Variants in MAGI2 observed in about 807,000 individuals in gnomAD.
MAGI2 encodes membrane-associated guanylate kinase, WW and PDZ domain-containing protein 2.
A neutral mutation model predicts 133.3 loss-of-function variants in MAGI2; 35 were observed. The observed-to-expected ratio is 0.26, with a 90% CI of 0.20 to 0.35. The LOEUF is 0.35. Ranked by LOEUF, MAGI2 falls within the 10% of genes least tolerant of loss-of-function variation. The pLI is 1.00. For missense variants in MAGI2, 1,636 were observed against 1,863.4 expected (o/e 0.88, Z 2.25); for synonymous variants, 729 against 710.6 (o/e 1.03, Z -0.41).
At chr7:78,346,512 T>C (rs770309752) in intron 7 of MAGI2, among the ~76,000 whole-genome samples, 73 of 152,172 alleles carry the variant, frequency 4.8e-4, no homozygotes, top group Non-Finnish European at 8.8e-4. Context: ...TTAGAGTTGG[T>C]CCTGGATTGA....
intron 1 of MAGI2, among the ~76,000 whole-genome samples, chr7:79,163,620 A>T (rs1824624515): frequency 6.6e-6 from 1 of 152,080 alleles, no homozygotes; most frequent in African/African-American, 2.4e-5. Context: ...TACAATCCTC[A>T]AATAAGATTT....
At chr7:78,399,654 A>T (rs1336185968) in intron 6 of MAGI2, among the ~76,000 whole-genome samples, 1 of 151,982 alleles carries the variant, frequency 6.6e-6, no homozygotes, top group Non-Finnish European at 1.5e-5. Flanking sequence ...AAAATACAAA[A>T]ATTAGCTAGG....
intron 2 of MAGI2, among the ~76,000 whole-genome samples, chr7:78,768,711 T>G (rs539306936): frequency 6.6e-6 from 1 of 152,374 alleles, no homozygotes; most frequent in Admixed American, 6.5e-5. Flanking sequence ...GCATCTGAAG[T>G]GTTTCCAAAT....
chr7:78,774,862 G>T (rs1825860848), intron 2 of MAGI2, among the ~76,000 whole-genome samples: 2 of 152,038 alleles, frequency 1.3e-5, no homozygotes, highest in Admixed American at 1.3e-4. Flanking sequence ...GAATATGAGG[G>T]TGTGGAAGAG....
At chr7:79,107,654 A>G (rs1257747795) in intron 1 of MAGI2, among the ~76,000 whole-genome samples, 1 of 152,218 alleles carries the variant, frequency 6.6e-6, no homozygotes, top group Non-Finnish European at 1.5e-5. Context: ...TTTATATGGA[A>G]ATTCTTATGC....
intron 2 of MAGI2, among the ~76,000 whole-genome samples, chr7:78,969,894 A>T (rs918525726): frequency 6.7e-6 from 1 of 149,282 alleles, no homozygotes; most frequent in South Asian, 2.1e-4. Flanking sequence ...CAAAGCAAAC[A>T]TTTTTTTGTG....
intron 1 of MAGI2, among the ~76,000 whole-genome samples, chr7:79,121,326 C>T (rs1025170267): frequency 2.0e-5 from 3 of 152,110 alleles, no homozygotes; most frequent in African/African-American, 7.2e-5. Flanking sequence ...TAGACTTCTC[C>T]CTTTAGGCTC....
chr7:78,498,796 T>C (rs890947304), intron 5 of MAGI2, among the ~76,000 whole-genome samples: 3 of 152,042 alleles, frequency 2.0e-5, no homozygotes, highest in African/African-American at 7.3e-5. Context: ...ATGCCTCCAG[T>C]CTATGGAGGA....
At chr7:78,160,436 A>G (rs1290156108) in intron 15 of MAGI2, among the ~76,000 whole-genome samples, 163 bp from the exon 16 acceptor site, 1 of 152,230 alleles carries the variant, frequency 6.6e-6, no homozygotes, top group Admixed American at 6.5e-5. Context: ...CTACAGACCT[A>G]GGCGTGGAGC....
At chr7:78,464,906 T>C (rs1383432225) in intron 6 of MAGI2, among the ~76,000 whole-genome samples, 1 of 152,148 alleles carries the variant, frequency 6.6e-6, no homozygotes, top group African/African-American at 2.4e-5. Context: ...CTAAGAATAT[T>C]AATACCATTG....
chr7:78,578,405 A>T (rs1350827003), intron 3 of MAGI2, among the ~76,000 whole-genome samples: 1 of 152,200 alleles, frequency 6.6e-6, no homozygotes, highest in Non-Finnish European at 1.5e-5. Context: ...TGTTAAACAT[A>T]GTTGTGTGGA....
chr7:79,145,075 G>A (rs1487891038), intron 1 of MAGI2, among the ~76,000 whole-genome samples: 2 of 152,102 alleles, frequency 1.3e-5, no homozygotes, highest in Non-Finnish European at 2.9e-5. Context: ...AAAAATGAAG[G>A]AGCTGACCTG....
At chr7:78,625,447 CAA>C (rs1289042626) in intron 3 of MAGI2, among the ~76,000 whole-genome samples, 3 of 150,574 alleles carry the variant, frequency 2.0e-5, no homozygotes, top group Admixed American at 6.6e-5. Flanking sequence ...AGTGTGATTA[CAA>C]AAGAGTCAAA....
At chr7:78,144,643 T>G (rs1429274337) in intron 16 of MAGI2, among the ~76,000 whole-genome samples, 1 of 152,196 alleles carries the variant, frequency 6.6e-6, no homozygotes, top group Non-Finnish European at 1.5e-5. Flanking sequence ...CTCTGAAGAC[T>G]TTCCTCCCAG....
chr7:79,303,171 A>G (rs750747207), intron 1 of MAGI2, among the ~76,000 whole-genome samples: 23 of 152,138 alleles, frequency 1.5e-4, no homozygotes, highest in Non-Finnish European at 2.5e-4. Flanking sequence ...TGGAAGGGGT[A>G]TGAGGGACAC....
At chr7:78,685,873 C>T (rs1253958097) in intron 2 of MAGI2, among the ~76,000 whole-genome samples, 1 of 152,034 alleles carries the variant, frequency 6.6e-6, no homozygotes, top group African/African-American at 2.4e-5. Flanking sequence ...GCACAGATGA[C>T]ACTCTACCTC....
At chr7:79,024,298 G>A (rs146448430) in intron 1 of MAGI2, among the ~76,000 whole-genome samples, 10 of 152,132 alleles carry the variant, frequency 6.6e-5, no homozygotes, top group South Asian at 2.1e-4. Context: ...GATTGATACC[G>A]GACCCCTTCC....
At chr7:78,344,850 TAAGTA>T (rs1008543818) in intron 8 of MAGI2, among the ~76,000 whole-genome samples, 1 of 152,224 alleles carries the variant, frequency 6.6e-6, no homozygotes, top group African/African-American at 2.4e-5. Flanking sequence ...AATATATTCC[TAAGTA>T]TAGTAAGTGT....
At chr7:78,036,056 C>T (rs114793753) in intron 21 of MAGI2, among the ~76,000 whole-genome samples, 6 of 151,114 alleles carry the variant, frequency 4.0e-5, no homozygotes, top group African/African-American at 9.7e-5. Flanking sequence ...TGTGTGTCTG[C>T]GTGTGTGTGT....
Sources: gnomAD v4.1 joint callset for allele counts (sites outside exome capture counted in the v4.1 genomes callset) on GRCh38, gnomAD v4.1.1 for gene constraint, MANE v1.5 for transcripts, NCBI Gene and HGNC (gene_info 2026-07-23, HGNC 2026-07-21) for gene names.